IRAG1: variants seen among roughly 807,000 people sequenced by gnomAD.
IRAG1 encodes inositol 1,4,5-triphosphate receptor associated 1, also known as IP3R-associated cGMP kinase substrate.
IRAG1 carries 62 observed loss-of-function variants against 106.2 expected under a neutral mutation model. The ratio of observed to expected loss-of-function variants is 0.58; its 90% confidence interval spans 0.48 to 0.72. The LOEUF (loss-of-function observed/expected upper bound fraction) is 0.72. IRAG1 is among the 30% of genes least tolerant of loss of function. The pLI is 0.00. For synonymous variants in IRAG1, 462 were observed against 443.9 expected, an observed-to-expected ratio of 1.04 and a Z score of -0.51; for missense variants, 1,064 against 1,140.7, an observed-to-expected ratio of 0.93 and a Z score of 0.97.
rs1310203099 is a variant in IRAG1 at position 10,633,985 on chromosome 11, G to C, written c.312C>G (p.Asp104Glu). 1.9e-6 allele frequency: 3 copies of C among 1,611,486 alleles called. No individual in the cohort carries two copies. The African/African-American group carries it at 4.0e-5, about 22-fold the overall frequency. The change falls in exon 3 of 21, where the codon GAC (aspartate) becomes GAG (glutamate). Residue 104 changes from aspartate (D) to glutamate (E), a missense_variant. Physicochemically the swap from Asp to Glu is conservative, Grantham distance 45 (BLOSUM62 2). Transcript: ENST00000423302. The stretch of plus-strand genomic sequence containing the variant: ...ACCTGTACCTGTTGGCCAGGTTTTT[G>C]TCGGTTTCTCCTTCTGGTGAAGTGG... ...GDATSPEGET[D>E]KNLANRVHSP...
intron 15 of IRAG1, among the ~76,000 whole-genome samples, chr11:10,597,372 A>G (rs1260585968): frequency 6.6e-6 from 1 of 152,210 alleles, no homozygotes; most frequent in Non-Finnish European, 1.5e-5. Context: ...GTCATCCAGA[A>G]TGAAGTGCAG....
chr11:10,587,243 G>C (rs557915192), intron 18 of IRAG1, among the ~76,000 whole-genome samples: 28 of 152,258 alleles, frequency 1.8e-4, no homozygotes, highest in African/African-American at 6.5e-4. Context: ...ATATATTTTT[G>C]GACAGGCAGG....
At chr11:10,636,465 C>T (rs909656363) in intron 2 of IRAG1, among the ~76,000 whole-genome samples, 20 of 152,184 alleles carry the variant, frequency 1.3e-4, no homozygotes, top group Admixed American at 1.3e-4. Flanking sequence ...GTGTGAGCCA[C>T]GATGCCAGGC....
chr11:10,604,664 C>T, intron 12 of IRAG1, 119 bp from the exon 13 acceptor site: 1 of 1,219,498 alleles, frequency 8.2e-7, no homozygotes, highest in South Asian at 1.4e-5. Context: ...GCCAAAGCAC[C>T]AAAGCAGCCA....
At chr11:10,594,577 T>A (rs1028574552) in intron 15 of IRAG1, among the ~76,000 whole-genome samples, 11 of 152,324 alleles carry the variant, frequency 7.2e-5, no homozygotes, top group African/African-American at 2.6e-4. Flanking sequence ...AGAGAAACTA[T>A]GAGCAAGGAA....
intron 1 of IRAG1, among the ~76,000 whole-genome samples, chr11:10,691,656 C>G (rs901260275): frequency 6.6e-6 from 1 of 152,138 alleles, no homozygotes; most frequent in African/African-American, 2.4e-5. Flanking sequence ...TCCCCTAGCC[C>G]CACTGTCCTC....
chr11:10,666,841 T>C (rs1190213144), intron 1 of IRAG1, among the ~76,000 whole-genome samples: 1 of 152,194 alleles, frequency 6.6e-6, no homozygotes, highest in Non-Finnish European at 1.5e-5. Context: ...ACCCCCTTCC[T>C]GGCCCAGGTT....
intron 2 of IRAG1, among the ~76,000 whole-genome samples, chr11:10,636,965 T>C (rs1857191116): frequency 6.6e-6 from 1 of 152,124 alleles, no homozygotes; most frequent in South Asian, 2.1e-4. Context: ...CTGGGGGAAT[T>C]GTGAAAGTAC....
rs753640988 is a variant in IRAG1, at chr11:10,652,031, G to A, written c.219C>T (p.Ala73=). Residue 73 remains alanine (A), a synonymous_variant, in exon 2 of 21, where the codon GCC becomes GCT. Transcript: ENST00000423302. ...GCAGGGAGGGGGCACTTACTTGGCC[G>A]GCAGGGCTCTGGGCTGCCTGTGGCT... The part of the protein sequence containing the change: ...PGEPQAAQSP[A]GQGPPAAGVS... 1.1e-5 allele frequency: 17 copies of A among 1,571,616 alleles called. No individual in the cohort carries two copies. The highest frequency in any genetic ancestry group is 2.7e-5 in the African/African-American group (2 of 74,082).
At chr11:10,602,723 CA>C (rs1854137276) in intron 14 of IRAG1, among the ~76,000 whole-genome samples, 1 of 152,162 alleles carries the variant, frequency 6.6e-6, no homozygotes, top group Non-Finnish European at 1.5e-5. Flanking sequence ...GGGAGTTGAA[CA>C]GGTATTTTTT....
chr11:10,647,919 G>C lies in IRAG1; in HGVS notation c.225+4106C>G, dbSNP rs1166090997. Among the ~76,000 whole-genome samples the C allele has an allele frequency of 1.3e-5, 2 of 152,214 alleles. No homozygotes were observed. The highest frequency in any genetic ancestry group is 3.8e-4 in the East Asian group (2 of 5,202). ...GACTCAGAACTGCCTTTCTGCATCTGTAGGATTTCACCCCACTATAGGTTG... is the reference window on the plus strand; with the variant it reads ...GACTCAGAACTGCCTTTCTGCATCTCTAGGATTTCACCCCACTATAGGTTG... On this transcript the variant is annotated intron_variant, in intron 2 of 20. Coordinates refer to ENST00000423302, the MANE Select transcript of IRAG1 (RefSeq NM_130385.4). The surrounding 1 kb of genome is among the most constrained non-coding windows in gnomAD (Gnocchi z 4.3).
chr11:10,647,991 G>A lies in IRAG1; in HGVS notation c.225+4034C>T, dbSNP rs985181583. Among the ~76,000 whole-genome samples the A allele has an allele frequency of 6.6e-6, 1 of 152,194 alleles. No individual in the cohort carries two copies. Among genetic ancestry groups the A allele is most frequent in the Admixed American group, 6.5e-5 (1 of 15,288 alleles). ...AGAGTCTTGGGGGAGGCAGATTCCA[G>A]CCTGACCAGGACAGAGCTGGCCAAC... On this transcript the variant is annotated intron_variant, in intron 2 of 20. Transcript: ENST00000423302. The surrounding 1 kb of genome is among the most constrained non-coding windows in gnomAD (Gnocchi z 4.3).
At chr11:10,639,838 C>T (rs1224584649) in intron 2 of IRAG1, among the ~76,000 whole-genome samples, 1 of 152,150 alleles carries the variant, frequency 6.6e-6, no homozygotes, top group Non-Finnish European at 1.5e-5. Flanking sequence ...GAGAGGGGCA[C>T]TGGGCTGGCA....
intron 1 of IRAG1, among the ~76,000 whole-genome samples, chr11:10,683,279 A>T (rs74507443): frequency 0.011 from 1,629 of 152,166 alleles, 30 homozygotes; most frequent in African/African-American, 0.037. Flanking sequence ...GTGCCCAAGT[A>T]AGTAGGTTAA....
intron 1 of IRAG1, among the ~76,000 whole-genome samples, chr11:10,689,420 G>A (rs903484104): frequency 1.2e-4 from 18 of 152,176 alleles, no homozygotes. Flanking sequence ...AAGGAATAAT[G>A]TTCTTACAAT....
chr11:10,626,437 G>A lies in IRAG1; in HGVS notation c.897C>T (p.Pro299=), dbSNP rs111473067. Residue 299 remains proline (P), a synonymous_variant, in exon 9 of 21, where the codon CCC becomes CCT. Coordinates refer to ENST00000423302, the MANE Select transcript of IRAG1 (RefSeq NM_130385.4). ...QKENFDPLQY[P]ETTPKGLAPV... is the part of the protein sequence containing the mutation. Reference sequence around the variant, plus strand: ...GAGCTAGGCCTTTGGGTGTGGTCTCGGGGTACTGGAGGGGATCGAAGTTTT... The same window carrying A: ...GAGCTAGGCCTTTGGGTGTGGTCTCAGGGTACTGGAGGGGATCGAAGTTTT... 1.4e-5 allele frequency: 22 copies of A among 1,613,802 alleles called. No individual in the cohort carries two copies. In the East Asian group the frequency reaches 1.6e-4, roughly 11 times the overall value.
At chr11:10,588,633 G>A (rs1294948507) in intron 18 of IRAG1, among the ~76,000 whole-genome samples, 1 of 152,220 alleles carries the variant, frequency 6.6e-6, no homozygotes, top group Non-Finnish European at 1.5e-5. Context: ...TTACAGGCGT[G>A]AGCCACTGCC....
chr11:10,687,623 G>A, intron 1 of IRAG1: 1 of 1,190,006 alleles, frequency 8.4e-7, no homozygotes, highest in Non-Finnish European at 1.1e-6. Flanking sequence ...TTATTTATTG[G>A]GCCTCCTTAA....
chr11:10,623,627 C>T (rs1856002957), intron 10 of IRAG1, 151 bp downstream of exon 10: 6 of 742,458 alleles, frequency 8.1e-6, no homozygotes, highest in Non-Finnish European at 1.3e-5. Flanking sequence ...AGGTGCTGAG[C>T]GGGCAGAAGA....
Sources: allele counts gnomAD v4.1 joint callset (sites outside exome capture counted in the v4.1 genomes callset), GRCh38; gene constraint gnomAD v4.1.1; non-coding constraint Gnocchi (gnomAD v3.1); transcripts MANE v1.5; gene names NCBI Gene and HGNC (gene_info 2026-07-23, HGNC 2026-07-21).